The following AFM variants were observed in gnomAD, a reference collection of about 807,000 sequenced individuals.
The protein encoded by AFM is afamin, also known as alpha-Alb.
A neutral mutation model predicts 68.7 loss-of-function variants in AFM; 82 were observed. The ratio of observed to expected loss-of-function variants is 1.19; its 90% confidence interval spans 1.00 to 1.43. The LOEUF (loss-of-function observed/expected upper bound fraction) is 1.43. AFM is among the 40% of genes most tolerant of loss of function. The probability of loss-of-function intolerance (pLI) is 0.00; values close to 1 mark genes in which losing one functional copy is unlikely to be tolerated. For synonymous variants in AFM, 250 were observed against 234.2 expected (o/e 1.07, Z -0.61); for missense variants, 772 against 701.8 (o/e 1.10, Z -1.13).
At chr4:73,490,037 AT>A (rs1410627301) in intron 7 of AFM, among the ~76,000 whole-genome samples, 1 of 152,182 alleles carries the variant, frequency 6.6e-6, no homozygotes, top group African/African-American at 2.4e-5. Flanking sequence ...TATTAAAAAA[AT>A]AACTGAGTAT....
At position 73,483,937 on chromosome 4, in the gene AFM, T is replaced by C. The variant is rs1248473136; in HGVS notation, c.89-4T>C. 3 of 1,524,734 alleles carry C rather than the reference T, an allele frequency of 2.0e-6. No individual in the cohort carries two copies. The African/African-American group carries it at 4.2e-5, about 21-fold the overall frequency. The allele number at this position is 1,524,734 out of a possible 1,614,324, so 94.5% of individuals were successfully genotyped here. A position where few individuals can be genotyped will look rare whatever the true frequency, so the allele number is the denominator to read the frequency against. ...GTAATAACCTAAATATTCTTGCTTT[T>C]CAGAGAACTTCAATAGTACTCAAAA... On this transcript the variant is annotated splice_region_variant and splice_polypyrimidine_tract_variant and intron_variant, in intron 1 of 14. Transcript: ENST00000226355.
chr4:73,498,698 G>A (rs1231948226), intron 10 of AFM, among the ~76,000 whole-genome samples: 1 of 152,090 alleles, frequency 6.6e-6, no homozygotes, highest in Non-Finnish European at 1.5e-5. Flanking sequence ...TTCAAACTTA[G>A]TTCATTAAAA....
rs964403061 is a variant in AFM, at chr4:73,502,035, G to A, written c.1779+116G>A. 5 of 1,115,830 alleles carry A rather than the reference G, an allele frequency of 4.5e-6. No individual in the cohort carries two copies. The East Asian group carries it at 9.9e-5, about 22-fold the overall frequency. The allele number at this position is 1,115,830 out of a possible 1,614,324, so 69.1% of individuals were successfully genotyped here. A position where few individuals can be genotyped will look rare whatever the true frequency, so the allele number is the denominator to read the frequency against. The stretch of plus-strand genomic sequence containing the variant: ...CAGTGTCTACCAGGACTACATTTGA[G>A]AGCACAATTGCTACACAACTAATAT... On this transcript the variant is annotated intron_variant, in intron 13 of 14. Transcript: ENST00000226355.
intron 14 of AFM, 82 bp downstream of exon 14, chr4:73,503,192 T>A: frequency 9.4e-7 from 1 of 1,062,644 alleles, no homozygotes; most frequent in Non-Finnish European, 1.4e-6. Flanking sequence ...CATGCTTCTT[T>A]GTCTATTTCT....
chr4:73,503,166 C>T, intron 14 of AFM, 56 bp downstream of exon 14: 2 of 1,321,488 alleles, frequency 1.5e-6, no homozygotes, highest in South Asian at 1.2e-5. Context: ...ATCTGATCTC[C>T]TTGCCTTTTC....
chr4:73,481,973 T>C, intron 1 of AFM, 110 bp downstream of exon 1: 1 of 774,012 alleles, frequency 1.3e-6, no homozygotes. Flanking sequence ...TTTCACCCTC[T>C]CACTAATTTA....
chr4:73,482,088 G>A (rs948525560), intron 1 of AFM, among the ~76,000 whole-genome samples: 8 of 152,150 alleles, frequency 5.3e-5, no homozygotes, highest in African/African-American at 1.4e-4. Flanking sequence ...CACATCTGAA[G>A]AATAATCAGC....
At chr4:73,499,314 T>C in intron 11 of AFM, 68 bp downstream of exon 11, 2 of 1,315,600 alleles carry the variant, frequency 1.5e-6, no homozygotes, top group Non-Finnish European at 2.0e-6. Context: ...TTTGCACTCA[T>C]TGATTTACCG....
At position 73,487,004 on chromosome 4, in the gene AFM, T is replaced by A. The variant is rs779384478; in HGVS notation, c.520T>A (p.Phe174Ile). ...AGTTGCCAGAAGGAACCCATTTGTC[T>A]TCGCCCCTACACTTCTAACTGTTGC... ...YEVARRNPFV[F>I]APTLLTVAVH... The change falls in exon 5 of 15, where the codon TTC (phenylalanine) becomes ATC (isoleucine). Residue 174 changes from phenylalanine to isoleucine, a missense_variant. Coordinates refer to ENST00000226355, the MANE Select transcript of AFM (RefSeq NM_001133.2). The A allele has an allele frequency of 1.2e-6, 2 of 1,613,940 alleles. No individual in the cohort carries two copies. Among genetic ancestry groups the A allele is most frequent in the Non-Finnish European group, 1.7e-6 (2 of 1,179,912 alleles).
In AFM at chr4:73,501,939, A is replaced by C; in HGVS notation, c.1779+20A>C. 1 of 1,607,652 alleles carries C rather than the reference A, an allele frequency of 6.2e-7. No homozygotes were observed. The highest frequency in any genetic ancestry group is 8.5e-7 in the Non-Finnish European group (1 of 1,177,032). On this transcript the variant is annotated intron_variant, in intron 13 of 14. Coordinates refer to ENST00000226355, the MANE Select transcript of AFM (RefSeq NM_001133.2). ...GAAGAGGTAGTTTTATTTCTTTTCT[A>C]CTGAAATTCAACTGGTTTTCCTGGT...
chr4:73,490,888 T>C (rs1259460664), intron 7 of AFM, among the ~76,000 whole-genome samples: 1 of 152,226 alleles, frequency 6.6e-6, no homozygotes, highest in Non-Finnish European at 1.5e-5. Context: ...ATTGGCTTCC[T>C]GGTTCTATGT....
chr4:73,488,839 T>G lies in AFM; in HGVS notation c.843+80T>G, dbSNP rs568910112. 1.1e-3 allele frequency: 1,470 copies of G among 1,362,400 alleles called. 28 individuals carry two copies. In the South Asian group the frequency reaches 0.016, roughly 14 times the overall value. The allele number at this position is 1,362,400 out of a possible 1,614,324, so 84.4% of individuals were successfully genotyped here. ...TTTATTCTCAAGTTGCCCTGATATG[T>G]GGTTACTTTGCCACAATGAAATCAG... On this transcript the variant is annotated intron_variant, in intron 7 of 14. Coordinates refer to ENST00000226355, the MANE Select transcript of AFM (RefSeq NM_001133.2).
chr4:73,484,776 A>G (rs1223447340), intron 3 of AFM, among the ~76,000 whole-genome samples: 1 of 151,974 alleles, frequency 6.6e-6, no homozygotes, highest in Non-Finnish European at 1.5e-5. Context: ...ACCCCAAGTG[A>G]TCCTCCCAAC....
At chr4:73,483,827 T>G in intron 1 of AFM, 114 bp from the exon 2 acceptor site, 5 of 813,304 alleles carry the variant, frequency 6.1e-6, no homozygotes, top group Non-Finnish European at 9.1e-6. Flanking sequence ...AATTATCTCC[T>G]GTCATCAGTG....
Position 73,501,785 on chromosome 4 carries a change from A to G in AFM, c.1647-2A>G. On this transcript the variant is annotated splice_acceptor_variant, in intron 12 of 14. Transcript: ENST00000226355. LOFTEE classifies it high-confidence loss of function. Reference sequence around the variant, plus strand: ...ATTTTATTTGACATCTTTTGGCCACAGGTTTCTTGTCAACTTAGTGAAGCT... The same window carrying G: ...ATTTTATTTGACATCTTTTGGCCACGGGTTTCTTGTCAACTTAGTGAAGCT... 1.2e-6 allele frequency: 2 copies of G among 1,610,620 alleles called. No homozygotes were observed. Among genetic ancestry groups the G allele is most frequent in the East Asian group, 2.2e-5 (1 of 44,784 alleles).
At chr4:73,494,902 C>G (rs907406343) in intron 8 of AFM, among the ~76,000 whole-genome samples, 4 of 152,098 alleles carry the variant, frequency 2.6e-5, no homozygotes, top group African/African-American at 9.7e-5. Context: ...ACATTGTGGG[C>G]GGGAAGGAAG....
At chr4:73,502,048 A>C in intron 13 of AFM, 129 bp downstream of exon 13, 2 of 1,002,564 alleles carry the variant, frequency 2.0e-6, no homozygotes, top group Non-Finnish European at 2.9e-6. Context: ...CACAATTGCT[A>C]CACAACTAAT....
rs781560374 is a variant in AFM, at chr4:73,491,930, A to C, written c.902A>C (p.Glu301Ala). 5.0e-6 allele frequency: 8 copies of C among 1,613,940 alleles called. No homozygotes were observed. The highest frequency in any genetic ancestry group is 5.9e-6 in the Non-Finnish European group (7 of 1,179,966). ...GATTCTATCTCCAGCAAAATCAAAG[A>C]GTGCTGTGAAAAGAAAATACCAGAG... is the stretch of plus-strand genomic sequence containing the variant. ...KQDSISSKIK[E>A]CCEKKIPERG... The change falls in exon 8 of 15, where the codon GAG (glutamate) becomes GCG (alanine). Residue 301 changes from glutamate (E) to alanine (A), a missense_variant. By Grantham distance (107) the Glu-to-Ala change is moderately radical. Coordinates refer to ENST00000226355, the MANE Select transcript of AFM (RefSeq NM_001133.2).
intron 13 of AFM, 78 bp downstream of exon 13, chr4:73,501,997 T>A: frequency 6.7e-7 from 1 of 1,495,246 alleles, no homozygotes; most frequent in Non-Finnish European, 9.1e-7. Flanking sequence ...TGCAGGACAC[T>A]GCTTCCTCTC....
Sources: gnomAD v4.1 joint callset for allele counts (sites outside exome capture counted in the v4.1 genomes callset) on GRCh38, gnomAD v4.1.1 for gene constraint, MANE v1.5 for transcripts, NCBI Gene and HGNC (gene_info 2026-07-23, HGNC 2026-07-21) for gene names.